Variants in IL1RAPL1 observed in about 807,000 individuals in gnomAD.
The protein encoded by IL1RAPL1 is interleukin 1 receptor accessory protein like 1, also known as interleukin-1 receptor accessory protein-like 1.
In IL1RAPL1, 3 loss-of-function variants were observed where a neutral mutation model predicts 48.4. That is an observed-to-expected ratio of 0.06 (90% CI 0.03 to 0.16). The LOEUF (loss-of-function observed/expected upper bound fraction) is 0.16. Among genes scored for constraint, IL1RAPL1 ranks in the 10% least tolerant of loss-of-function variants. The pLI is 1.00. For synonymous variants in IL1RAPL1, 185 were observed against 187.7 expected, an observed-to-expected ratio of 0.99 and a Z score of 0.12; for missense variants, 349 against 530.6, an observed-to-expected ratio of 0.66 and a Z score of 3.36.
Position 29,410,375 on chromosome X carries a change from C to T in IL1RAPL1, c.703+11067C>T, listed in dbSNP as rs574899722. On this transcript the variant is annotated intron_variant, in intron 5 of 10. Coordinates refer to ENST00000378993, the MANE Select transcript of IL1RAPL1 (RefSeq NM_014271.4). ...GCTCAGGAGGCTGAGGCAGGAGAAT[C>T]GCTTGAAACTGGGAGATGGAGGTTG... Among the ~76,000 whole-genome samples the T allele has an allele frequency of 1.0e-4, 11 of 108,148 alleles. No homozygotes were observed. The South Asian group carries it at 3.8e-3, about 37-fold the overall frequency. 93.9% of individuals were successfully genotyped at this position (108,148 alleles called of 115,157 possible). A position where few individuals can be genotyped will look rare whatever the true frequency, so the allele number is the denominator to read the frequency against.
intron 6 of IL1RAPL1, among the ~76,000 whole-genome samples, chrX:29,885,300 T>C: frequency 8.9e-6 from 1 of 112,418 alleles, no homozygotes; most frequent in East Asian, 2.8e-4. Context: ...CCAGCATTTC[T>C]GAGGTCTACC....
At chrX:29,333,697 C>T (rs1210485386) in intron 3 of IL1RAPL1, among the ~76,000 whole-genome samples, 2 of 79,776 alleles carry the variant, frequency 2.5e-5, no homozygotes, top group Admixed American at 1.2e-4. Context: ...GGGTGGCTGG[C>T]CGGGCGGGGG....
chrX:29,363,870 C>T (rs1933410631), intron 3 of IL1RAPL1, among the ~76,000 whole-genome samples: 1 of 111,314 alleles, frequency 9.0e-6, no homozygotes, highest in African/African-American at 3.3e-5. Flanking sequence ...CACCAGGCTC[C>T]ACCTCCAACA....
rs756117056 is a variant in IL1RAPL1, at chrX:28,752,505, C to T, written c.-24-36815C>T. Among the ~76,000 whole-genome samples the T allele has an allele frequency of 3.6e-5, 4 of 112,354 alleles. No individual in the cohort carries two copies. The South Asian group carries it at 1.5e-3, about 41-fold the overall frequency. ...CAGAAAATGAGCAAATTGTGCAGAC[C>T]ACAGGAAACCACTAGCAGTTTTCAC... On this transcript the variant is annotated intron_variant, in intron 1 of 10. Transcript: ENST00000378993.
intron 2 of IL1RAPL1, among the ~76,000 whole-genome samples, chrX:28,947,675 CGTT>C (rs1411742717): frequency 9.0e-6 from 1 of 111,166 alleles, no homozygotes; most frequent in Non-Finnish European, 1.9e-5. Flanking sequence ...CAAACCTGCA[CGTT>C]GTGCACATGT....
intron 1 of IL1RAPL1, among the ~76,000 whole-genome samples, chrX:28,741,207 T>G (rs5985901): frequency 0.24 from 27,084 of 110,950 alleles, 2,784 homozygotes; most frequent in Middle Eastern, 0.41. Context: ...TATCTGTTAT[T>G]TTTTTACTTT....
chrX:28,865,235 C>T (rs5985926), intron 2 of IL1RAPL1, among the ~76,000 whole-genome samples: 44,018 of 109,385 alleles, frequency 0.4, 6,563 homozygotes, highest in East Asian at 0.55. Flanking sequence ...GTCAGAAGTT[C>T]GAGACCAGCC....
At chrX:28,806,355 T>A (rs764132562) in intron 2 of IL1RAPL1, among the ~76,000 whole-genome samples, 1 of 111,668 alleles carries the variant, frequency 9.0e-6, no homozygotes, top group South Asian at 3.7e-4. Context: ...AAGGGCAAAT[T>A]TTCAGTTACT....
intron 5 of IL1RAPL1, among the ~76,000 whole-genome samples, chrX:29,576,579 A>G (rs748402179): frequency 9.0e-6 from 1 of 111,491 alleles, no homozygotes; most frequent in South Asian, 3.8e-4. Context: ...CCTTAGCACC[A>G]TATAACGATT....
chrX:29,923,451 G>T (rs1280275661), intron 8 of IL1RAPL1, among the ~76,000 whole-genome samples: 1 of 112,167 alleles, frequency 8.9e-6, no homozygotes, highest in African/African-American at 3.2e-5. Context: ...AGGCCCATGG[G>T]CCATATTGGT....
At chrX:29,044,434 CAAAT>C (rs772398998) in intron 2 of IL1RAPL1, among the ~76,000 whole-genome samples, 12 of 109,689 alleles carry the variant, frequency 1.1e-4, no homozygotes, top group African/African-American at 3.3e-4. Context: ...CGTCTCTAAA[CAAAT>C]AAATAAATAA....
intron 1 of IL1RAPL1, among the ~76,000 whole-genome samples, chrX:28,687,665 C>A (rs1935126984): frequency 9.1e-6 from 1 of 110,058 alleles, no homozygotes; most frequent in African/African-American, 3.3e-5. Flanking sequence ...GCCTGTAGTC[C>A]CAGCTACTCG....
At position 28,591,524 on chromosome X, in the gene IL1RAPL1, A is replaced by C. The variant is rs780228239; in HGVS notation, c.-25+3477A>C. ...AGCAGACTACTCTATAATTTGTAGC[A>C]ACAAAACAAGTGTTGATTATTGAGA... On this transcript the variant is annotated intron_variant, in intron 1 of 10. Coordinates refer to ENST00000378993, the MANE Select transcript of IL1RAPL1 (RefSeq NM_014271.4). 3.6e-5 allele frequency among the ~76,000 whole-genome samples: 4 copies of C among 112,385 alleles called. No individual in the cohort carries two copies. In the South Asian group the frequency reaches 1.5e-3, roughly 41 times the overall value.
chrX:29,301,205 A>C (rs930013647), intron 3 of IL1RAPL1, among the ~76,000 whole-genome samples: 2 of 111,689 alleles, frequency 1.8e-5, no homozygotes, highest in African/African-American at 6.5e-5. Context: ...CTTTTGTTTG[A>C]ATGTGGAACC....
intron 6 of IL1RAPL1, among the ~76,000 whole-genome samples, chrX:29,761,676 A>T (rs1439943373): frequency 1.8e-5 from 2 of 111,068 alleles, no homozygotes; most frequent in Non-Finnish European, 3.8e-5. Context: ...GCATTTCCTC[A>T]GTCCACCCAC....
rs757803336 is a variant in IL1RAPL1, at chrX:29,101,803, G to C, written c.83-181135G>C. Among the ~76,000 whole-genome samples, 5 of 111,173 alleles carry C rather than the reference G, an allele frequency of 4.5e-5. No homozygotes were observed. In the East Asian group the frequency reaches 1.4e-3, roughly 32 times the overall value. On this transcript the variant is annotated intron_variant, in intron 2 of 10. Transcript: ENST00000378993. The stretch of plus-strand genomic sequence containing the variant: ...ATACGAAAAATGAGCTGGGTATGGT[G>C]GCGGACACCTGTAATCCCAGCTACT...
At chrX:28,918,409 C>T (rs376332302) in intron 2 of IL1RAPL1, among the ~76,000 whole-genome samples, 1 of 112,126 alleles carries the variant, frequency 8.9e-6, no homozygotes, top group Non-Finnish European at 1.9e-5. Context: ...TTATCTGAAA[C>T]GGATGCCACC....
chrX:29,546,931 GGCAAT>G lies in IL1RAPL1; in HGVS notation c.704-121497_704-121493del. Among the ~76,000 whole-genome samples the G allele has an allele frequency of 2.7e-5, 3 of 111,515 alleles. No individual in the cohort carries two copies. The South Asian group carries it at 1.1e-3, about 42-fold the overall frequency. The stretch of plus-strand genomic sequence containing the variant: ...AGGTGATTACTTAGCTCTCCAAATA[GGCAAT>G]GATGTGATTGCCTTCATTTATTTCA... On this transcript the variant is annotated intron_variant, in intron 5 of 10. Transcript: ENST00000378993.
rs1165954395 is a variant in IL1RAPL1 at position 29,381,863 on chromosome X, T to C, written c.363-14395T>C. 8.9e-4 allele frequency among the ~76,000 whole-genome samples: 86 copies of C among 97,154 alleles called. 1 individual carries two copies. Among genetic ancestry groups the C allele is most frequent in the Admixed American group, 2.4e-3 (21 of 8,720 alleles). 84.4% of individuals were successfully genotyped at this position (97,154 alleles called of 115,157 possible). On this transcript the variant is annotated intron_variant, in intron 3 of 10. Transcript: ENST00000378993. Reference sequence around the variant, plus strand: ...ATATATATATATATATATATATATATACATATACTTATGTGCTTTGTACAT... The same window carrying C: ...ATATATATATATATATATATATATACACATATACTTATGTGCTTTGTACAT...
Sources: gnomAD v4.1 joint callset for allele counts (sites outside exome capture counted in the v4.1 genomes callset) on GRCh38, gnomAD v4.1.1 for gene constraint, MANE v1.5 for transcripts, NCBI Gene and HGNC (gene_info 2026-07-23, HGNC 2026-07-21) for gene names.